The following IMMP2L variants were observed in gnomAD, a reference collection of about 807,000 sequenced individuals.
The protein encoded by IMMP2L is mitochondrial inner membrane protease subunit 2.
A neutral mutation model predicts 19.3 loss-of-function variants in IMMP2L; 18 were observed. That is an observed-to-expected ratio of 0.93 (90% CI 0.64 to 1.38). The LOEUF (loss-of-function observed/expected upper bound fraction) is 1.38. IMMP2L is among the 40% of genes most tolerant of loss of function. The pLI, the probability that IMMP2L is intolerant of heterozygous loss-of-function variation, is 0.00. For synonymous variants in IMMP2L, 76 were observed against 73.0 expected (o/e 1.04, Z -0.21); for missense variants, 233 against 218.2 (o/e 1.07, Z -0.43).
At chr7:111,493,089 C>A (rs1843245403) in intron 2 of IMMP2L, among the ~76,000 whole-genome samples, 2 of 152,038 alleles carry the variant, frequency 1.3e-5, no homozygotes, top group South Asian at 2.1e-4. Flanking sequence ...CAGATAGTTT[C>A]TAGAATATAC....
chr7:111,159,979 C>A lies in IMMP2L; in HGVS notation c.240-196414G>T, dbSNP rs556637697. Among the ~76,000 whole-genome samples, 44 of 152,166 alleles carry A rather than the reference C, an allele frequency of 2.9e-4. No homozygotes were observed. In the East Asian group the frequency reaches 7.4e-3, roughly 25 times the overall value. ...AGTGCTCCAAAGCTAATGGTATCAACTTGCACAGTGCAGCTTCACACTTTT... is the reference window on the plus strand; with the variant it reads ...AGTGCTCCAAAGCTAATGGTATCAAATTGCACAGTGCAGCTTCACACTTTT... On this transcript the variant is annotated intron_variant, in intron 3 of 5. Transcript: ENST00000405709.
intron 5 of IMMP2L, among the ~76,000 whole-genome samples, chr7:110,691,386 ACT>A (rs1584513813): frequency 2.0e-5 from 3 of 152,044 alleles, no homozygotes; most frequent in South Asian, 4.2e-4. Context: ...CCCAGGAAAA[ACT>A]CTCTGGACAT....
At chr7:110,791,085 G>A (rs895813653) in intron 5 of IMMP2L, among the ~76,000 whole-genome samples, 1 of 151,194 alleles carries the variant, frequency 6.6e-6, no homozygotes, top group African/African-American at 2.5e-5. Context: ...ACAGATACTG[G>A]GGGGAAAAAA....
At chr7:111,540,399 A>C (rs1330262240) in intron 1 of IMMP2L, among the ~76,000 whole-genome samples, 3 of 152,222 alleles carry the variant, frequency 2.0e-5, no homozygotes, top group Non-Finnish European at 4.4e-5. Context: ...ACTGGAAGTC[A>C]GGGAAACACT....
At chr7:110,899,792 G>A (rs1811680434) in intron 4 of IMMP2L, among the ~76,000 whole-genome samples, 1 of 152,152 alleles carries the variant, frequency 6.6e-6, no homozygotes, top group South Asian at 2.1e-4. Flanking sequence ...GCACCTGTAT[G>A]TTTGCTATTA....
At chr7:110,837,340 G>C (rs191531578) in intron 5 of IMMP2L, among the ~76,000 whole-genome samples, 1 of 151,788 alleles carries the variant, frequency 6.6e-6, no homozygotes, top group Admixed American at 6.6e-5. Flanking sequence ...GGAGGAAAGA[G>C]AGAGAAAAGA....
chr7:110,825,139 G>A (rs536075418), intron 5 of IMMP2L, among the ~76,000 whole-genome samples: 1 of 152,162 alleles, frequency 6.6e-6, no homozygotes, highest in South Asian at 2.1e-4. Context: ...GGGATGTGAA[G>A]GACCTCCTCA....
chr7:111,313,541 A>G (rs1380629924), intron 3 of IMMP2L, among the ~76,000 whole-genome samples: 1 of 152,166 alleles, frequency 6.6e-6, no homozygotes, highest in African/African-American at 2.4e-5. Flanking sequence ...AAAACCAAAT[A>G]CTACACAAGC....
chr7:111,034,057 T>C (rs1026398244), intron 3 of IMMP2L, among the ~76,000 whole-genome samples: 5 of 152,118 alleles, frequency 3.3e-5, no homozygotes, highest in Non-Finnish European at 5.9e-5. Flanking sequence ...CGTGAATGCT[T>C]TTTATGTTGA....
At chr7:111,360,581 G>A (rs897353682) in intron 3 of IMMP2L, among the ~76,000 whole-genome samples, 2 of 152,122 alleles carry the variant, frequency 1.3e-5, no homozygotes, top group African/African-American at 4.8e-5. Flanking sequence ...ACTTTTGGAA[G>A]CTGAGGTAGA....
intron 3 of IMMP2L, among the ~76,000 whole-genome samples, chr7:111,262,320 C>T (rs542845131): frequency 6.6e-6 from 1 of 151,792 alleles, no homozygotes; most frequent in East Asian, 1.9e-4. Flanking sequence ...TACAGAGTAG[C>T]CAGGGAGGGT....
chr7:110,675,416 C>T (rs151142046), intron 5 of IMMP2L, among the ~76,000 whole-genome samples: 68 of 152,216 alleles, frequency 4.5e-4, no homozygotes, highest in African/African-American at 1.6e-3. Context: ...CCAAATGCAA[C>T]CGTATTTCAT....
At chr7:110,823,967 G>A (rs1803249774) in intron 5 of IMMP2L, among the ~76,000 whole-genome samples, 1 of 152,068 alleles carries the variant, frequency 6.6e-6, no homozygotes, top group South Asian at 2.1e-4. Context: ...TTCAGTAATT[G>A]CTTGGAGAAC....
chr7:110,897,967 A>C (rs1421393474), intron 4 of IMMP2L, among the ~76,000 whole-genome samples: 2 of 151,986 alleles, frequency 1.3e-5, no homozygotes, highest in African/African-American at 4.8e-5. Context: ...ACATGGGTGA[A>C]GGATGAAAGA....
chr7:111,251,993 C>T (rs114869931), intron 3 of IMMP2L, among the ~76,000 whole-genome samples: 2,886 of 151,964 alleles, frequency 0.019, 100 homozygotes, highest in African/African-American at 0.066. Flanking sequence ...TAAACTCTCT[C>T]CTGAAAAAAA....
chr7:110,793,702 T>C (rs1042468267), intron 5 of IMMP2L, among the ~76,000 whole-genome samples: 1 of 152,066 alleles, frequency 6.6e-6, no homozygotes, highest in African/African-American at 2.4e-5. Flanking sequence ...TGCTGTATAC[T>C]GGAAATTTGC....
chr7:111,402,986 C>G (rs984407938), intron 3 of IMMP2L, among the ~76,000 whole-genome samples: 2 of 127,970 alleles, frequency 1.6e-5, no homozygotes, highest in African/African-American at 6.8e-5. Context: ...CTCACTGCAG[C>G]CTTGACCCCC....
At chr7:110,903,699 A>G (rs571628985) in intron 4 of IMMP2L, among the ~76,000 whole-genome samples, 1 of 152,210 alleles carries the variant, frequency 6.6e-6, no homozygotes, top group Non-Finnish European at 1.5e-5. Context: ...CTGATGTGAA[A>G]AGTGCTAAAA....
chr7:111,452,662 ATCTCT>A (rs1363924606), intron 3 of IMMP2L, among the ~76,000 whole-genome samples: 16 of 152,174 alleles, frequency 1.1e-4, no homozygotes, highest in African/African-American at 3.4e-4. Flanking sequence ...CTGCCACTAA[ATCTCT>A]GTGGGGAGGT....
Sources: allele counts gnomAD v4.1 joint callset (sites outside exome capture counted in the v4.1 genomes callset), GRCh38; gene constraint gnomAD v4.1.1; transcripts MANE v1.5; gene names NCBI Gene and HGNC (gene_info 2026-07-23, HGNC 2026-07-21).